The following PCDHA1 variants were observed in gnomAD, a reference collection of about 807,000 sequenced individuals.
PCDHA1 encodes protocadherin alpha-1.
In PCDHA1, 42 loss-of-function variants were observed where a neutral mutation model predicts 61.3. The observed-to-expected ratio is 0.69, with a 90% CI of 0.54 to 0.89. The LOEUF (loss-of-function observed/expected upper bound fraction) is 0.89, where lower values mean the gene tolerates loss of function less well. Among genes scored for constraint, PCDHA1 ranks in the 40% least tolerant of loss-of-function variants. The probability of loss-of-function intolerance (pLI) is 0.00; values close to 1 mark genes in which losing one functional copy is unlikely to be tolerated. For missense variants in PCDHA1, 1,256 were observed against 1,235.3 expected (o/e 1.02, Z -0.25); for synonymous variants, 610 against 553.8 (o/e 1.10, Z -1.43).
intron 1 of PCDHA1, among the ~76,000 whole-genome samples, chr5:140,900,021 T>A (rs1423634160): frequency 1.3e-5 from 2 of 152,092 alleles, no homozygotes; most frequent in Non-Finnish European, 2.9e-5. Context: ...TGTTACCCAG[T>A]TTGGCCTTGA....
At chr5:140,941,198 T>TCTTC (rs202127003) in intron 1 of PCDHA1, among the ~76,000 whole-genome samples, 5 of 119,810 alleles carry the variant, frequency 4.2e-5, no homozygotes, top group Non-Finnish European at 7.0e-5. Flanking sequence ...TTTTTTTCTT[T>TCTTC]CTTCCTTTCT....
intron 1 of PCDHA1, chr5:140,928,862 G>A (rs1554206427): frequency 1.2e-6 from 2 of 1,614,166 alleles, no homozygotes; most frequent in Admixed American, 1.7e-5. Context: ...GTGCTGTTGA[G>A]CAACTCTGTC....
At position 140,894,665 on chromosome 5, in the gene PCDHA1, G is replaced by T. The variant is rs189476056; in HGVS notation, c.2395-84284G>T. Among the ~76,000 whole-genome samples, 418 of 151,474 alleles carry T rather than the reference G, an allele frequency of 2.8e-3. 2 individuals are homozygous for T. Among genetic ancestry groups the T allele is most frequent in the Middle Eastern group, 0.011 (3 of 280 alleles). On this transcript the variant is annotated intron_variant, in intron 1 of 3. Transcript: ENST00000504120. ...CTGAGTCTCTCTAATTCTGATTTGT[G>T]TATTCTTGCATAGCTTTTCATTATT...
intron 1 of PCDHA1, among the ~76,000 whole-genome samples, chr5:140,879,438 A>C (rs2057989809): frequency 6.6e-6 from 1 of 152,214 alleles, no homozygotes; most frequent in South Asian, 2.1e-4. Context: ...ACATTTAAGA[A>C]AATGTTACTT....
chr5:140,833,759 C>CAG (rs1336906298), intron 1 of PCDHA1, among the ~76,000 whole-genome samples: 1 of 151,910 alleles, frequency 6.6e-6, no homozygotes, highest in Non-Finnish European at 1.5e-5. Context: ...AAAACACACA[C>CAG]ACACACACCG....
chr5:140,801,056 C>T (rs1389230406), intron 1 of PCDHA1: 3 of 1,447,364 alleles, frequency 2.1e-6, no homozygotes, highest in East Asian at 2.4e-5. Context: ...TAACAGCGTG[C>T]ATTACGTATT....
intron 1 of PCDHA1, chr5:140,809,026 G>T: frequency 6.2e-7 from 1 of 1,613,446 alleles, no homozygotes; most frequent in Non-Finnish European, 8.5e-7. Flanking sequence ...AGCTGCAGCC[G>T]GGGACTGGTG....
chr5:140,856,108 C>A, intron 1 of PCDHA1: 1 of 1,598,026 alleles, frequency 6.3e-7, no homozygotes, highest in African/African-American at 1.3e-5. Context: ...TTCTTCTCCT[C>A]GCAGCCTGGG....
intron 1 of PCDHA1, chr5:140,864,365 A>G (rs2048439709): frequency 6.6e-6 from 1 of 152,220 alleles, no homozygotes; most frequent in Non-Finnish European, 1.5e-5. Flanking sequence ...TTATCTTTCT[A>G]TAATCGATAA....
At chr5:140,984,612 G>T (rs2097111075) in intron 3 of PCDHA1, among the ~76,000 whole-genome samples, 1 of 152,026 alleles carries the variant, frequency 6.6e-6, no homozygotes, top group Admixed American at 6.6e-5. Flanking sequence ...CTGCATCAGT[G>T]GTGTAAAGTT....
chr5:140,967,737 A>G, intron 1 of PCDHA1: 1 of 1,614,170 alleles, frequency 6.2e-7, no homozygotes, highest in Non-Finnish European at 8.5e-7. Flanking sequence ...GGGGGGCTGG[A>G]TTATGAGGAA....
At chr5:140,953,810 C>T (rs918101590) in intron 1 of PCDHA1, among the ~76,000 whole-genome samples, 5 of 152,190 alleles carry the variant, frequency 3.3e-5, no homozygotes, top group South Asian at 2.1e-4. Context: ...TTCTGAGGTG[C>T]ATGTGCTAGT....
intron 1 of PCDHA1, chr5:140,796,791 C>G (rs375837956): frequency 6.2e-7 from 1 of 1,614,156 alleles, no homozygotes; most frequent in African/African-American, 1.3e-5. Flanking sequence ...GGCTTTCGTA[C>G]GAGCTTCAGC....
chr5:140,837,753 T>G (rs1775240938), intron 1 of PCDHA1, among the ~76,000 whole-genome samples: 1 of 151,848 alleles, frequency 6.6e-6, no homozygotes, highest in South Asian at 2.1e-4. Context: ...TATAGCCCAC[T>G]GCAACCTGAA....
chr5:140,872,756 A>G (rs987230878), intron 1 of PCDHA1, among the ~76,000 whole-genome samples: 1 of 152,342 alleles, frequency 6.6e-6, no homozygotes, highest in East Asian at 1.9e-4. Context: ...AAAGACATGC[A>G]TATAGGGCTA....
At chr5:140,836,089 G>C (rs2150252436) in intron 1 of PCDHA1, 12 of 1,613,682 alleles carry the variant, frequency 7.4e-6, no homozygotes, top group South Asian at 5.5e-5. Context: ...CTGGCGCCTC[G>C]GGTGGGTGGC....
intron 1 of PCDHA1, chr5:140,796,050 C>T (rs139541416): frequency 3.0e-5 from 48 of 1,614,114 alleles, no homozygotes; most frequent in Non-Finnish European, 3.9e-5. Context: ...TCTCAGAGAA[C>T]GCTTCCCTGG....
chr5:140,839,524 G>A (rs1776264287), intron 1 of PCDHA1, among the ~76,000 whole-genome samples: 1 of 151,794 alleles, frequency 6.6e-6, no homozygotes, highest in Non-Finnish European at 1.5e-5. Context: ...CAAGTTGCTG[G>A]GACTATAGGC....
chr5:140,827,986 AATG>A, intron 1 of PCDHA1: 1 of 1,456,760 alleles, frequency 6.9e-7, no homozygotes, highest in Non-Finnish European at 9.2e-7. Context: ...CTGACTGTTG[AATG>A]ATGGCGGACG....
Sources: gnomAD v4.1 joint callset for allele counts (sites outside exome capture counted in the v4.1 genomes callset) on GRCh38, gnomAD v4.1.1 for gene constraint, MANE v1.5 for transcripts, NCBI Gene and HGNC (gene_info 2026-07-23, HGNC 2026-07-21) for gene names.